GALNT17: variants seen among roughly 807,000 people sequenced by gnomAD.
The protein encoded by GALNT17 is polypeptide N-acetylgalactosaminyltransferase 17, also known as UDP-GalNAc:polypeptide N-acetylgalactosaminyltransferase-like 3.
In GALNT17, 29 loss-of-function variants were observed where a neutral mutation model predicts 63.7. The ratio of observed to expected loss-of-function variants is 0.46; its 90% CI spans 0.34 to 0.62. The LOEUF is 0.62. GALNT17 is among the 20% of genes least tolerant of loss of function. The pLI is 0.01. For synonymous variants in GALNT17, 305 were observed against 318.3 expected (o/e 0.96, Z 0.45); for missense variants, 603 against 799.6 (o/e 0.75, Z 2.97).
At chr7:71,531,834 G>A (rs146157273) in intron 5 of GALNT17, among the ~76,000 whole-genome samples, 15 of 152,228 alleles carry the variant, frequency 9.9e-5, no homozygotes, top group East Asian at 3.9e-4. Flanking sequence ...CAAACAGAGC[G>A]GAATGCATAT....
chr7:71,333,239 A>G (rs986341960), intron 1 of GALNT17, among the ~76,000 whole-genome samples: 1 of 151,956 alleles, frequency 6.6e-6, no homozygotes, highest in East Asian at 1.9e-4. Flanking sequence ...CATTTCACAT[A>G]AATAGAATCA....
At chr7:71,631,569 A>G (rs1790453119) in intron 6 of GALNT17, among the ~76,000 whole-genome samples, 1 of 152,168 alleles carries the variant, frequency 6.6e-6, no homozygotes, top group Non-Finnish European at 1.5e-5. Context: ...AAGGATGGGA[A>G]ATTCAACAGC....
chr7:71,554,193 T>C (rs1789125835), intron 5 of GALNT17, among the ~76,000 whole-genome samples: 1 of 152,230 alleles, frequency 6.6e-6, no homozygotes, highest in South Asian at 2.1e-4. Context: ...TCTTGAATTG[T>C]ACCTCCTGTG....
chr7:71,476,380 T>C (rs761605120), intron 5 of GALNT17, among the ~76,000 whole-genome samples: 6 of 152,048 alleles, frequency 3.9e-5, no homozygotes, highest in Non-Finnish European at 2.9e-5. Context: ...AATGGAAAGA[T>C]GTGTGGTTTT....
chr7:71,492,236 G>A (rs1249586451), intron 5 of GALNT17, among the ~76,000 whole-genome samples: 2 of 152,094 alleles, frequency 1.3e-5, no homozygotes, highest in Non-Finnish European at 2.9e-5. Flanking sequence ...CCGAGATCAC[G>A]CCACTGCCCT....
At chr7:71,452,143 T>A (rs139998066) in intron 5 of GALNT17, among the ~76,000 whole-genome samples, 1 of 152,012 alleles carries the variant, frequency 6.6e-6, no homozygotes, top group Non-Finnish European at 1.5e-5. Flanking sequence ...CTTGGGAGTC[T>A]GAGATGGGAG....
chr7:71,485,040 C>T (rs534364365), intron 5 of GALNT17, among the ~76,000 whole-genome samples: 1 of 145,210 alleles, frequency 6.9e-6, no homozygotes, highest in Admixed American at 7.1e-5. Flanking sequence ...AACTCTTGAC[C>T]TCAGGTGATC....
chr7:71,500,454 A>G (rs1788162642), intron 5 of GALNT17, among the ~76,000 whole-genome samples: 1 of 152,188 alleles, frequency 6.6e-6, no homozygotes, highest in Non-Finnish European at 1.5e-5. Flanking sequence ...TGGTGTCTAC[A>G]AAGATGTTCC....
intron 1 of GALNT17, among the ~76,000 whole-genome samples, chr7:71,219,683 A>G (rs948237095): frequency 6.6e-6 from 1 of 152,122 alleles, no homozygotes; most frequent in Non-Finnish European, 1.5e-5. Flanking sequence ...TCTGAGGATG[A>G]TAAGGGGGTT....
intron 1 of GALNT17, among the ~76,000 whole-genome samples, chr7:71,202,385 G>A (rs1796080): frequency 0.5 from 75,537 of 152,084 alleles, 22,787 homozygotes; most frequent in African/African-American, 0.85. Flanking sequence ...TTAAAGGTAT[G>A]TGAAGTCTGC....
At chr7:71,482,580 C>G (rs1216764002) in intron 5 of GALNT17, among the ~76,000 whole-genome samples, 1 of 152,182 alleles carries the variant, frequency 6.6e-6, no homozygotes, top group African/African-American at 2.4e-5. Flanking sequence ...GCGTGTTGCT[C>G]CTAGAACAAG....
At chr7:71,485,704 G>C (rs1168746346) in intron 5 of GALNT17, among the ~76,000 whole-genome samples, 1 of 152,156 alleles carries the variant, frequency 6.6e-6, no homozygotes, top group Non-Finnish European at 1.5e-5. Context: ...GCTAAGACAT[G>C]GTTTATGGCC....
At chr7:71,314,148 TA>T (rs1376966935) in intron 1 of GALNT17, among the ~76,000 whole-genome samples, 4 of 152,254 alleles carry the variant, frequency 2.6e-5, no homozygotes, top group South Asian at 2.1e-4. Flanking sequence ...GCAATTGAAA[TA>T]TTTTTTTATG....
At chr7:71,372,702 GC>G (rs1792647095) in intron 2 of GALNT17, among the ~76,000 whole-genome samples, 1 of 152,162 alleles carries the variant, frequency 6.6e-6, no homozygotes, top group African/African-American at 2.4e-5. Flanking sequence ...TGATCCTCTT[GC>G]CTCTGCTTCT....
chr7:71,187,623 T>G (rs1788875759), intron 1 of GALNT17, among the ~76,000 whole-genome samples: 1 of 152,176 alleles, frequency 6.6e-6, no homozygotes, highest in Non-Finnish European at 1.5e-5. Flanking sequence ...AGAGTACACT[T>G]TGTGCTTCAA....
intron 3 of GALNT17, among the ~76,000 whole-genome samples, chr7:71,398,005 T>G (rs893928934): frequency 1.6e-4 from 24 of 152,154 alleles, no homozygotes; most frequent in African/African-American, 5.5e-4. Flanking sequence ...GCATTCTGAT[T>G]TCCTGGTTTT....
intron 5 of GALNT17, among the ~76,000 whole-genome samples, chr7:71,505,155 G>GT (rs1246600701): frequency 6.6e-6 from 1 of 152,062 alleles, no homozygotes; most frequent in Non-Finnish European, 1.5e-5. Flanking sequence ...AATTTGAACA[G>GT]TTTCGCTTCT....
At chr7:71,426,959 A>G (rs955091883) in intron 5 of GALNT17, among the ~76,000 whole-genome samples, 2 of 152,088 alleles carry the variant, frequency 1.3e-5, no homozygotes, top group African/African-American at 4.8e-5. Flanking sequence ...TAGAAAGACA[A>G]GCGTGTTCTT....
intron 1 of GALNT17, among the ~76,000 whole-genome samples, chr7:71,250,856 T>C (rs529147028): frequency 3.3e-4 from 51 of 152,300 alleles, no homozygotes; most frequent in African/African-American, 1.2e-3. Flanking sequence ...CTTTCTTAAG[T>C]TTCTGTCTTC....
Sources: allele counts gnomAD v4.1 joint callset (sites outside exome capture counted in the v4.1 genomes callset), GRCh38; gene constraint gnomAD v4.1.1; transcripts MANE v1.5; gene names NCBI Gene and HGNC (gene_info 2026-07-23, HGNC 2026-07-21).